The following SLC25A21 variants were observed in gnomAD, a reference collection of about 807,000 sequenced individuals.
SLC25A21 encodes mitochondrial 2-oxodicarboxylate carrier.
In SLC25A21, 47 loss-of-function variants were observed where a neutral mutation model predicts 43.8. The observed-to-expected ratio is 1.07, with a 90% CI of 0.85 to 1.37. SLC25A21 has a LOEUF of 1.37. SLC25A21 is among the 40% of genes most tolerant of loss of function. SLC25A21 has a pLI of 0.00. For synonymous variants in SLC25A21, 131 were observed against 121.3 expected (o/e 1.08, Z -0.52); for missense variants, 352 against 350.2 (o/e 1.00, Z -0.04).
intron 1 of SLC25A21, among the ~76,000 whole-genome samples, chr14:36,913,646 A>G (rs1425956794): frequency 6.6e-6 from 1 of 152,216 alleles, no homozygotes; most frequent in African/African-American, 2.4e-5. Context: ...TTGGAGTAAA[A>G]CAAGGGTTAA....
chr14:36,852,350 A>G (rs1349626888), intron 2 of SLC25A21, among the ~76,000 whole-genome samples: 2 of 152,076 alleles, frequency 1.3e-5, no homozygotes, highest in Non-Finnish European at 2.9e-5. Flanking sequence ...TACCATTGCT[A>G]TTTGGGGGCT....
intron 7 of SLC25A21, among the ~76,000 whole-genome samples, chr14:36,698,909 A>G (rs1883156531): frequency 6.6e-6 from 1 of 152,062 alleles, no homozygotes; most frequent in Non-Finnish European, 1.5e-5. Context: ...TTCTGAAGCC[A>G]CTTCTCTTCT....
intron 1 of SLC25A21, among the ~76,000 whole-genome samples, chr14:36,900,280 T>A (rs748779544): frequency 9.2e-5 from 14 of 152,018 alleles, no homozygotes; most frequent in Non-Finnish European, 1.8e-4. Flanking sequence ...TTTAGTCACA[T>A]GTGAATCCCT....
chr14:37,022,005 A>G (rs1273284642), intron 1 of SLC25A21, among the ~76,000 whole-genome samples: 1 of 151,916 alleles, frequency 6.6e-6, no homozygotes, highest in Non-Finnish European at 1.5e-5. Flanking sequence ...AAGGTGTGCC[A>G]GGGGCATTAT....
intron 1 of SLC25A21, among the ~76,000 whole-genome samples, chr14:36,975,341 C>T (rs1959845445): frequency 6.6e-6 from 1 of 152,094 alleles, no homozygotes; most frequent in Admixed American, 6.5e-5. Context: ...CTCATATAAT[C>T]AAATACCTCC....
intron 5 of SLC25A21, among the ~76,000 whole-genome samples, chr14:36,726,759 A>C (rs1398085110): frequency 6.6e-6 from 1 of 152,236 alleles, no homozygotes; most frequent in Non-Finnish European, 1.5e-5. Flanking sequence ...ATGCTGGAAA[A>C]AAGGTAATTA....
chr14:36,803,594 A>C lies in SLC25A21; in HGVS notation c.203+10324T>G, dbSNP rs565594636. On this transcript the variant is annotated intron_variant, in intron 3 of 9. Coordinates refer to ENST00000331299, the MANE Select transcript of SLC25A21 (RefSeq NM_030631.4). ...TAAGAGTTTCCAAAATGTATCTAAC[A>C]CTTTATCTCATTTTTTGTCATCACT... Among the ~76,000 whole-genome samples the C allele has an allele frequency of 3.9e-5, 6 of 152,284 alleles. No individual in the cohort carries two copies. In the South Asian group the frequency reaches 1.2e-3, roughly 32 times the overall value.
At chr14:36,983,751 T>A (rs1315814787) in intron 1 of SLC25A21, among the ~76,000 whole-genome samples, 1 of 152,112 alleles carries the variant, frequency 6.6e-6, no homozygotes, top group Non-Finnish European at 1.5e-5. Flanking sequence ...CATGAATGGT[T>A]AAGTGGATAA....
chr14:36,686,056 C>T (rs1244961448), intron 7 of SLC25A21, among the ~76,000 whole-genome samples: 1 of 152,182 alleles, frequency 6.6e-6, no homozygotes, highest in Non-Finnish European at 1.5e-5. Flanking sequence ...GCATACCATG[C>T]TTCAGTTAAA....
intron 1 of SLC25A21, among the ~76,000 whole-genome samples, chr14:36,885,150 G>C (rs1342405256): frequency 1.3e-5 from 2 of 152,178 alleles, no homozygotes; most frequent in East Asian, 3.8e-4. Context: ...CATGATGTGA[G>C]ATAAGGATCA....
At chr14:37,002,375 G>A (rs1960506760) in intron 1 of SLC25A21, among the ~76,000 whole-genome samples, 2 of 152,134 alleles carry the variant, frequency 1.3e-5, no homozygotes, top group Admixed American at 6.6e-5. Flanking sequence ...TTTTAATGTA[G>A]ACTATCCAAA....
intron 1 of SLC25A21, among the ~76,000 whole-genome samples, chr14:36,960,564 T>C (rs1235473545): frequency 7.2e-5 from 11 of 152,224 alleles, no homozygotes; most frequent in Non-Finnish European, 8.8e-5. Flanking sequence ...GCTGACACCA[T>C]TCTCTTGCCA....
At chr14:36,900,069 C>G (rs1443809904) in intron 1 of SLC25A21, among the ~76,000 whole-genome samples, 1 of 151,932 alleles carries the variant, frequency 6.6e-6, no homozygotes, top group Non-Finnish European at 1.5e-5. Flanking sequence ...ACGGAAATGG[C>G]AGGGATGCTT....
chr14:36,709,473 T>C (rs1883735333), intron 7 of SLC25A21, among the ~76,000 whole-genome samples: 1 of 152,194 alleles, frequency 6.6e-6, no homozygotes, highest in Non-Finnish European at 1.5e-5. Flanking sequence ...TCATTTTCTA[T>C]ATCTTGACAA....
intron 6 of SLC25A21, among the ~76,000 whole-genome samples, chr14:36,721,676 G>A (rs190683278): frequency 6.6e-6 from 1 of 152,156 alleles, no homozygotes; most frequent in Non-Finnish European, 1.5e-5. Context: ...TATGGGTTCT[G>A]CTCCTATAAA....
At position 36,711,301 on chromosome 14, in the gene SLC25A21, A is replaced by G. The variant is rs1883852049; in HGVS notation, c.603+17T>C. On this transcript the variant is annotated intron_variant, in intron 7 of 9. Transcript: ENST00000331299. ...ATAGGATTTTTCCTCCAGGATTTTA[A>G]TTTATTAAATAGTTACCTTATTGAC... 1.9e-6 allele frequency: 3 copies of G among 1,609,590 alleles called. No homozygotes were observed. The highest frequency in any genetic ancestry group is 1.3e-5 in the African/African-American group (1 of 74,690).
intron 3 of SLC25A21, among the ~76,000 whole-genome samples, chr14:36,813,282 C>T (rs1010873761): frequency 4.6e-5 from 7 of 152,084 alleles, no homozygotes; most frequent in Admixed American, 2.6e-4. Context: ...TGAATCTACA[C>T]ATTGAAGATA....
intron 1 of SLC25A21, among the ~76,000 whole-genome samples, chr14:37,076,739 C>T (rs1435020076): frequency 6.6e-6 from 1 of 152,144 alleles, no homozygotes; most frequent in Non-Finnish European, 1.5e-5. Flanking sequence ...CCACCTCGGC[C>T]TCCCAAATTG....
intron 2 of SLC25A21, among the ~76,000 whole-genome samples, chr14:36,827,095 TG>T (rs779021785): frequency 6.6e-6 from 1 of 152,256 alleles, no homozygotes; most frequent in Non-Finnish European, 1.5e-5. Flanking sequence ...TGTTTCTGTT[TG>T]CTTCTTCAAA....
Sources: allele counts gnomAD v4.1 joint callset (sites outside exome capture counted in the v4.1 genomes callset), GRCh38; gene constraint gnomAD v4.1.1; transcripts MANE v1.5; gene names NCBI Gene and HGNC (gene_info 2026-07-23, HGNC 2026-07-21).